The following TAB1 variants were observed in gnomAD, a reference collection of about 807,000 sequenced individuals.
TAB1 encodes TGF-beta activated kinase 1 (MAP3K7) binding protein 1.
Under a neutral mutation model 54.5 loss-of-function variants are expected in TAB1, and 30 were observed. That is an observed-to-expected ratio of 0.55 (90% CI 0.41 to 0.75). The LOEUF is 0.75. TAB1 is among the 30% of genes least tolerant of loss of function. TAB1 has a pLI of 0.00. For synonymous variants in TAB1, 289 were observed against 286.9 expected (o/e 1.01, Z -0.07); for missense variants, 609 against 683.2 (o/e 0.89, Z 1.21).
intron 7 of TAB1, among the ~76,000 whole-genome samples, chr22:39,420,773 C>CTGTG (rs765689530): frequency 1.9e-4 from 20 of 106,180 alleles, no homozygotes; most frequent in East Asian, 3.9e-4. Context: ...CACACGGTGT[C>CTGTG]TCTGTGTGTG....
chr22:39,431,784 A>G lies in TAB1; in HGVS notation c.*1562A>G, dbSNP rs920926747. On this transcript the variant is annotated 3_prime_UTR_variant, in exon 11 of 11. Transcript: ENST00000216160. ...TGGGAACAAAAGGAATTCTCTTCCA[A>G]GAATGCCTCTGTGGTGCTGTTTGGT... 1 of 985,382 alleles carries G rather than the reference A, an allele frequency of 1.0e-6. No individual in the cohort carries two copies. Among genetic ancestry groups the G allele is most frequent in the African/African-American group, 1.7e-5 (1 of 57,258 alleles). The allele number at this position is 985,382 out of a possible 1,614,324, so 61.0% of individuals were successfully genotyped here.
chr22:39,421,729 A>G (rs763701558), intron 7 of TAB1, 98 bp from the exon 8 acceptor site: 29 of 1,327,354 alleles, frequency 2.2e-5, no homozygotes, highest in African/African-American at 3.0e-5. Context: ...TGTGTGTTTT[A>G]TTTTACATTC....
intron 4 of TAB1, 80 bp from the exon 5 acceptor site, chr22:39,417,631 A>G: frequency 1.4e-6 from 2 of 1,428,250 alleles, no homozygotes; most frequent in Non-Finnish European, 9.3e-7. Context: ...AAAAAAAAAA[A>G]AAAGAGTAAA....
At chr22:39,425,453 A>G (rs1927279713) in intron 8 of TAB1, among the ~76,000 whole-genome samples, 1 of 151,968 alleles carries the variant, frequency 6.6e-6, no homozygotes, top group African/African-American at 2.4e-5. Context: ...GTGCTAGATG[A>G]TTTTGCCCAG....
chr22:39,416,286 C>A (rs894433194), intron 3 of TAB1, among the ~76,000 whole-genome samples: 1 of 152,202 alleles, frequency 6.6e-6, no homozygotes, highest in Non-Finnish European at 1.5e-5. Flanking sequence ...GTCAGTGTCA[C>A]CAGTGTCCTG....
intron 10 of TAB1, 62 bp from the exon 11 acceptor site, chr22:39,429,953 C>G: frequency 6.3e-7 from 1 of 1,599,766 alleles, no homozygotes; most frequent in Non-Finnish European, 8.5e-7. Flanking sequence ...TCTGTCCCCA[C>G]TCTGCCCCAG....
At position 39,419,523 on chromosome 22, in the gene TAB1, G is replaced by C; in HGVS notation, c.669G>C (p.Leu223Phe). The change falls in exon 7 of 11, where the codon TTG becomes TTC. Residue 223 changes from leucine (L) to phenylalanine (F), a missense_variant. Physicochemically the swap from Leu to Phe is conservative, Grantham distance 22 (BLOSUM62 0). Coordinates refer to ENST00000216160, the MANE Select transcript of TAB1 (RefSeq NM_006116.3). The stretch of plus-strand genomic sequence containing the variant: ...TTGCACTGTTTCCCTCCGTAGGCTT[G>C]GATGCTGGAAAGATCAAGCAGGTGG... ...DELFRLSQLGLDAGKIKQVGI... is the reference protein window; with the variant it reads ...DELFRLSQLGFDAGKIKQVGI... 6.2e-7 allele frequency: 1 copy of C among 1,605,778 alleles called. No homozygotes were observed.
At chr22:39,433,637 A>G (rs992745370), downstream of TAB1, 1 of 984,780 alleles carries the variant, frequency 1.0e-6, no homozygotes, top group African/African-American at 1.7e-5. Flanking sequence ...TCATTCTCTC[A>G]TGAGCTGGGA....
intron 1 of TAB1, among the ~76,000 whole-genome samples, chr22:39,401,647 A>G (rs918107440): frequency 3.3e-5 from 5 of 152,222 alleles, no homozygotes; most frequent in Admixed American, 1.3e-4. Context: ...GGCCAGCTCT[A>G]CTAGCCCCAG....
chr22:39,413,420 A>G (rs1433648191), intron 1 of TAB1, among the ~76,000 whole-genome samples: 2 of 144,400 alleles, frequency 1.4e-5, no homozygotes, highest in Non-Finnish European at 3.1e-5. Flanking sequence ...TTTCAATACA[A>G]TTTTTTTTTT....
At position 39,430,358 on chromosome 22, in the gene TAB1, T is replaced by C; in HGVS notation, c.*136T>C. The C allele has an allele frequency of 1.3e-6, 2 of 1,494,008 alleles. No individual in the cohort carries two copies. Among genetic ancestry groups the C allele is most frequent in the Non-Finnish European group, 1.8e-6 (2 of 1,123,104 alleles). The allele number at this position is 1,494,008 out of a possible 1,614,324, so 92.5% of individuals were successfully genotyped here. On this transcript the variant is annotated 3_prime_UTR_variant, in exon 11 of 11. Transcript: ENST00000216160. Reference sequence around the variant, plus strand: ...CCCACAGCAGACTCTGTCCCATGGCTCTCCGGGCAGTAGAGTGTGTGAGTG... The same window carrying C: ...CCCACAGCAGACTCTGTCCCATGGCCCTCCGGGCAGTAGAGTGTGTGAGTG...
intron 3 of TAB1, among the ~76,000 whole-genome samples, chr22:39,416,149 G>A (rs1360675031): frequency 6.6e-6 from 1 of 152,140 alleles, no homozygotes; most frequent in East Asian, 1.9e-4. Flanking sequence ...CATGTCTCAG[G>A]CCCATTTCAG....
intron 7 of TAB1, among the ~76,000 whole-genome samples, chr22:39,420,511 G>C (rs1045746779): frequency 6.6e-6 from 1 of 152,218 alleles, no homozygotes; most frequent in Non-Finnish European, 1.5e-5. Context: ...TCATGGCCTA[G>C]AAAGTGCATG....
At chr22:39,400,537 C>G (rs915258882) in intron 1 of TAB1, among the ~76,000 whole-genome samples, 1 of 152,232 alleles carries the variant, frequency 6.6e-6, no homozygotes, top group Non-Finnish European at 1.5e-5. Flanking sequence ...TCTTCAGACT[C>G]ATCCCTACCC....
downstream of TAB1, chr22:39,432,970 G>A (rs1036407588): frequency 8.0e-5 from 79 of 985,288 alleles, no homozygotes; most frequent in Non-Finnish European, 8.6e-5. Context: ...ACAGCGAGGC[G>A]AAGCTGTGCA....
intron 6 of TAB1, 67 bp from the exon 7 acceptor site, chr22:39,419,452 C>T: frequency 7.5e-7 from 1 of 1,326,864 alleles, no homozygotes; most frequent in South Asian, 1.3e-5. Context: ...GACTGTGTCT[C>T]TGTCCCCTTC....
At chr22:39,429,397 G>T (rs1414385409) in intron 10 of TAB1, 2 of 983,260 alleles carry the variant, frequency 2.0e-6, no homozygotes, top group Non-Finnish European at 2.4e-6. Context: ...CTGTGATGAC[G>T]GGAGTGCTCG....
intron 3 of TAB1, among the ~76,000 whole-genome samples, chr22:39,416,445 C>T (rs1960043682): frequency 1.3e-5 from 2 of 152,254 alleles, no homozygotes; most frequent in Admixed American, 6.5e-5. Context: ...ACTTAACCTC[C>T]GTTGTGTGAG....
At chr22:39,408,372 T>A (rs1370148698) in intron 1 of TAB1, among the ~76,000 whole-genome samples, 1 of 152,238 alleles carries the variant, frequency 6.6e-6, no homozygotes, top group Non-Finnish European at 1.5e-5. Context: ...CCTGGTCTCC[T>A]GTTGTGAAAC....
Sources: gnomAD v4.1 joint callset for allele counts (sites outside exome capture counted in the v4.1 genomes callset) on GRCh38, gnomAD v4.1.1 for gene constraint, MANE v1.5 for transcripts, NCBI Gene and HGNC (gene_info 2026-07-23, HGNC 2026-07-21) for gene names.